The following KANSL1L variants were observed in gnomAD, a reference collection of about 807,000 sequenced individuals.
KANSL1L encodes KAT8 regulatory NSL complex subunit 1 like, also known as KAT8 regulatory NSL complex subunit 1-like protein.
A neutral mutation model predicts 108.6 loss-of-function variants in KANSL1L; 25 were observed. The observed-to-expected ratio is 0.23, with a 90% CI of 0.17 to 0.32. The LOEUF (loss-of-function observed/expected upper bound fraction) is 0.32, where lower values mean the gene tolerates loss of function less well. Among genes scored for constraint, KANSL1L ranks in the 10% least tolerant of loss-of-function variants. KANSL1L has a pLI of 1.00. For synonymous variants in KANSL1L, 405 were observed against 395.1 expected, an observed-to-expected ratio of 1.03 and a Z score of -0.30; for missense variants, 1,137 against 1,125.7, an observed-to-expected ratio of 1.01 and a Z score of -0.14.
At chr2:210,109,106 T>C (rs2094879783) in intron 3 of KANSL1L, among the ~76,000 whole-genome samples, 3 of 152,204 alleles carry the variant, frequency 2.0e-5, no homozygotes, top group African/African-American at 4.8e-5. Context: ...CTTCTCTTAA[T>C]GTTTTCTCTG....
Position 210,100,068 on chromosome 2 carries a change from C to T in KANSL1L, c.1429-1861G>A, listed in dbSNP as rs550027011. ...TACCTGTCCATGGCCTGTTAGAAAC[C>T]AGGCTGCACAGCAGGAGGTGGGCAG... On this transcript the variant is annotated intron_variant, in intron 4 of 14. Coordinates refer to ENST00000281772, the MANE Select transcript of KANSL1L (RefSeq NM_152519.4). Among the ~76,000 whole-genome samples the T allele has an allele frequency of 4.0e-4, 61 of 152,272 alleles. No homozygotes were observed. The South Asian group carries it at 0.012, about 31-fold the overall frequency.
intron 2 of KANSL1L, among the ~76,000 whole-genome samples, chr2:210,137,257 G>C (rs926056801): frequency 1.3e-5 from 2 of 152,120 alleles, no homozygotes; most frequent in African/African-American, 2.4e-5. Flanking sequence ...CAATAAACCA[G>C]CAACTTACTG....
intron 1 of KANSL1L, among the ~76,000 whole-genome samples, chr2:210,157,759 C>T (rs1241865283): frequency 7.0e-6 from 1 of 143,114 alleles, no homozygotes; most frequent in Non-Finnish European, 1.5e-5. Context: ...TGCCTATAAT[C>T]CCAGCACTCT....
At chr2:210,025,343 T>A (rs536442655) in intron 12 of KANSL1L, 127 bp from the exon 13 acceptor site, 2 of 543,908 alleles carry the variant, frequency 3.7e-6, no homozygotes, top group East Asian at 7.3e-5. Flanking sequence ...GATCACGAGG[T>A]CAGGAGTTCA....
intron 7 of KANSL1L, among the ~76,000 whole-genome samples, chr2:210,041,955 A>C (rs2094168708): frequency 6.6e-6 from 1 of 152,228 alleles, no homozygotes; most frequent in Non-Finnish European, 1.5e-5. Flanking sequence ...TGGGAATAAA[A>C]ACTAAATATT....
chr2:210,109,866 G>A (rs2125455901), intron 3 of KANSL1L, among the ~76,000 whole-genome samples: 1 of 151,724 alleles, frequency 6.6e-6, no homozygotes, highest in Middle Eastern at 3.4e-3. Context: ...TACCTTCCTT[G>A]GCAATATCAG....
intron 1 of KANSL1L, among the ~76,000 whole-genome samples, chr2:210,159,613 AG>A (rs1202976275): frequency 6.6e-6 from 1 of 152,238 alleles, no homozygotes; most frequent in Non-Finnish European, 1.5e-5. Flanking sequence ...TGATATTTAA[AG>A]GCATTTCAGG....
At chr2:210,153,366 TAAA>T in intron 2 of KANSL1L, 126 bp downstream of exon 2, 42 of 596,454 alleles carry the variant, frequency 7.0e-5, no homozygotes, top group Non-Finnish European at 8.1e-5. Context: ...AAATAAAAAT[TAAA>T]AAAAAAAAAA....
chr2:210,144,246 A>C (rs2125603332), intron 2 of KANSL1L, among the ~76,000 whole-genome samples: 1 of 152,244 alleles, frequency 6.6e-6, no homozygotes, highest in South Asian at 2.1e-4. Flanking sequence ...TGTTTTCAAT[A>C]GTCTCTCTGT....
At position 210,021,469 on chromosome 2, in the gene KANSL1L, A is replaced by G. The variant is rs1462999048; in HGVS notation, c.*1480T>C. 2.0e-5 allele frequency: 3 copies of G among 152,590 alleles called. No homozygotes were observed. Among genetic ancestry groups the G allele is most frequent in the South Asian group, 2.1e-4 (1 of 4,834 alleles). 9.5% of individuals were successfully genotyped at this position (152,590 alleles called of 1,614,324 possible). A position where few individuals can be genotyped will look rare whatever the true frequency, so the allele number is the denominator to read the frequency against. ...AAAAACTTACATAGAAGATTATAAT[A>G]TCAGACGTGACAAAGATTTGAGTTT... is the stretch of plus-strand genomic sequence containing the variant. On this transcript the variant is annotated 3_prime_UTR_variant, in exon 15 of 15. Transcript: ENST00000281772.
chr2:210,033,441 CAT>C (rs1486560942), intron 8 of KANSL1L, among the ~76,000 whole-genome samples: 1 of 152,218 alleles, frequency 6.6e-6, no homozygotes, highest in Non-Finnish European at 1.5e-5. Context: ...TTAAGCAAAT[CAT>C]AGACAATTAA....
At position 210,130,495 on chromosome 2, in the gene KANSL1L, T is replaced by C. The variant is rs888745942; in HGVS notation, c.1089-1323A>G. 8.5e-5 allele frequency among the ~76,000 whole-genome samples: 13 copies of C among 152,330 alleles called. No individual in the cohort carries two copies. The South Asian group carries it at 2.7e-3, about 32-fold the overall frequency. ...AGAATTTATTCATTATAACAGGATT[T>C]TACATTATATCAATGTTTCTGAAAG... On this transcript the variant is annotated intron_variant, in intron 2 of 14. Coordinates refer to ENST00000281772, the MANE Select transcript of KANSL1L (RefSeq NM_152519.4).
chr2:210,128,212 A>G lies in KANSL1L; in HGVS notation c.1230+819T>C, dbSNP rs534860491. On this transcript the variant is annotated intron_variant, in intron 3 of 14. Coordinates refer to ENST00000281772, the MANE Select transcript of KANSL1L (RefSeq NM_152519.4). ...TGAAAAACAGTATGGTAGATCCACA[A>G]AAAAATTAAAAATAAAGTTCCCATA... 1.3e-3 allele frequency among the ~76,000 whole-genome samples: 199 copies of G among 152,310 alleles called. 1 individual carries two copies. Among genetic ancestry groups the G allele is most frequent in the Non-Finnish European group, 2.4e-3 (164 of 68,028 alleles).
intron 2 of KANSL1L, among the ~76,000 whole-genome samples, chr2:210,141,867 G>GTGGA (rs746503289): frequency 1.1e-4 from 16 of 152,176 alleles, no homozygotes; most frequent in Non-Finnish European, 1.9e-4. Flanking sequence ...ATTTGTATAT[G>GTGGA]TGGAACCATC....
At chr2:210,028,446 T>G (rs189211643) in intron 11 of KANSL1L, 1 of 151,162 alleles carries the variant, frequency 6.6e-6, no homozygotes, top group East Asian at 1.9e-4. Context: ...ATTACTGTCT[T>G]ACAGTGTGAA....
chr2:210,023,634 T>C (rs190197261), intron 14 of KANSL1L, among the ~76,000 whole-genome samples: 1 of 152,220 alleles, frequency 6.6e-6, no homozygotes, highest in African/African-American at 2.4e-5. Context: ...GTAAGAACTT[T>C]ATGGATGCAG....
At chr2:210,129,990 C>CAAA (rs11439121) in intron 2 of KANSL1L, among the ~76,000 whole-genome samples, 19 of 135,786 alleles carry the variant, frequency 1.4e-4, no homozygotes, top group Non-Finnish European at 2.3e-4. Context: ...ATGCAGATTG[C>CAAA]AAAAAAAAAA....
chr2:210,165,668 G>A (rs1363543812), intron 1 of KANSL1L, among the ~76,000 whole-genome samples: 1 of 152,072 alleles, frequency 6.6e-6, no homozygotes, highest in Non-Finnish European at 1.5e-5. Context: ...AAAACAATAG[G>A]TAGACTGTAA....
chr2:210,148,662 T>C (rs2125622084), intron 2 of KANSL1L, among the ~76,000 whole-genome samples: 1 of 152,368 alleles, frequency 6.6e-6, no homozygotes, highest in South Asian at 2.1e-4. Flanking sequence ...AATATCATTA[T>C]GAATTAAAGT....
Sources: allele counts gnomAD v4.1 joint callset (sites outside exome capture counted in the v4.1 genomes callset), GRCh38; gene constraint gnomAD v4.1.1; transcripts MANE v1.5; gene names NCBI Gene and HGNC (gene_info 2026-07-23, HGNC 2026-07-21).